The following SPAG16 variants were observed in gnomAD, a reference collection of about 807,000 sequenced individuals.
The protein encoded by SPAG16 is sperm-associated antigen 16 protein.
A neutral mutation model predicts 80.4 loss-of-function variants in SPAG16; 86 were observed. That is an observed-to-expected ratio of 1.07 (90% CI 0.90 to 1.28). SPAG16 has a LOEUF of 1.28. Among genes scored for constraint, SPAG16 ranks in the 50% most tolerant of loss-of-function variants. The pLI, the probability that SPAG16 is intolerant of heterozygous loss-of-function variation, is 0.00. For missense variants in SPAG16, 870 were observed against 765.3 expected (o/e 1.14, Z -1.61); for synonymous variants, 294 against 265.9 (o/e 1.11, Z -1.03).
intron 10 of SPAG16, among the ~76,000 whole-genome samples, chr2:213,606,426 T>C (rs1361131927): frequency 6.6e-6 from 1 of 152,240 alleles, no homozygotes; most frequent in Admixed American, 6.5e-5. Context: ...TTATTAGTCC[T>C]CTCAATTATA....
At chr2:214,311,860 CTT>C (rs372012912) in intron 15 of SPAG16, 16 of 152,304 alleles carry the variant, frequency 1.1e-4, no homozygotes, top group African/African-American at 3.4e-4. Context: ...TAATCTCTCT[CTT>C]TTGTGGCTGA....
chr2:214,085,907 T>A (rs1430941596), intron 13 of SPAG16, among the ~76,000 whole-genome samples: 2 of 152,218 alleles, frequency 1.3e-5, no homozygotes. Flanking sequence ...TTTCCTCCCC[T>A]ACATCTTTGA....
chr2:213,482,701 G>T (rs1030341721), intron 9 of SPAG16, among the ~76,000 whole-genome samples: 3 of 152,102 alleles, frequency 2.0e-5, no homozygotes, highest in Non-Finnish European at 4.4e-5. Flanking sequence ...CTGACACAGA[G>T]TCTGGTAATA....
At chr2:213,484,215 G>C (rs1281415400) in intron 9 of SPAG16, among the ~76,000 whole-genome samples, 1 of 152,014 alleles carries the variant, frequency 6.6e-6, no homozygotes, top group Non-Finnish European at 1.5e-5. Flanking sequence ...AGATACTTGA[G>C]GAGTACTAAA....
At chr2:214,200,994 G>T (rs1392006570) in intron 15 of SPAG16, among the ~76,000 whole-genome samples, 4 of 152,194 alleles carry the variant, frequency 2.6e-5, no homozygotes, top group African/African-American at 9.6e-5. Flanking sequence ...ATTAACAGGT[G>T]ATCCACTGGA....
At chr2:214,033,888 T>C (rs997670347) in intron 13 of SPAG16, among the ~76,000 whole-genome samples, 1 of 152,240 alleles carries the variant, frequency 6.6e-6, no homozygotes, top group African/African-American at 2.4e-5. Flanking sequence ...CTGATACAGC[T>C]ATCTAATCTA....
In SPAG16 at chr2:213,372,068, C is replaced by T. The variant is rs141855907; in HGVS notation, c.833-2942C>T. Among the ~76,000 whole-genome samples the T allele has an allele frequency of 6.2e-3, 937 of 151,984 alleles. 4 individuals are homozygous for T. The highest frequency in any genetic ancestry group is 0.01 in the Middle Eastern group (3 of 292). On this transcript the variant is annotated intron_variant, in intron 8 of 15. Transcript: ENST00000331683. ...TATTTTTATCAAGGGTCATATGTATCGAATATTTACATGACACTATACAGA... is the reference window on the plus strand; with the variant it reads ...TATTTTTATCAAGGGTCATATGTATTGAATATTTACATGACACTATACAGA...
chr2:213,854,997 C>T (rs1374603082), intron 10 of SPAG16, among the ~76,000 whole-genome samples: 1 of 152,202 alleles, frequency 6.6e-6, no homozygotes, highest in Non-Finnish European at 1.5e-5. Context: ...ACATATGGCC[C>T]ATAGCCTAAA....
chr2:214,000,021 C>G (rs1170526201), intron 12 of SPAG16, among the ~76,000 whole-genome samples: 3 of 152,154 alleles, frequency 2.0e-5, no homozygotes, highest in African/African-American at 7.2e-5. Context: ...AGACTTTGGA[C>G]TGTGGACTTT....
intron 11 of SPAG16, among the ~76,000 whole-genome samples, chr2:213,912,080 A>G (rs2077703105): frequency 6.6e-6 from 1 of 152,132 alleles, no homozygotes; most frequent in Non-Finnish European, 1.5e-5. Context: ...CTGATAATTA[A>G]AAGTAATTTT....
intron 15 of SPAG16, among the ~76,000 whole-genome samples, chr2:214,371,210 G>A (rs766514227): frequency 3.9e-5 from 6 of 152,138 alleles, no homozygotes; most frequent in Non-Finnish European, 8.8e-5. Flanking sequence ...TGTTGTCCCT[G>A]TGTAATGACA....
At chr2:213,988,317 G>A (rs529262885) in intron 12 of SPAG16, among the ~76,000 whole-genome samples, 6 of 152,054 alleles carry the variant, frequency 3.9e-5, no homozygotes, top group South Asian at 2.1e-4. Context: ...TTAAGTATAC[G>A]TGGAGCATCA....
intron 12 of SPAG16, among the ~76,000 whole-genome samples, chr2:214,006,119 T>C (rs1226486345): frequency 6.6e-6 from 1 of 151,640 alleles, no homozygotes; most frequent in African/African-American, 2.4e-5. Flanking sequence ...TATTTTTTAA[T>C]CTTTTTTTCA....
chr2:214,141,441 C>G (rs955782358), intron 14 of SPAG16, among the ~76,000 whole-genome samples: 7 of 148,694 alleles, frequency 4.7e-5, no homozygotes, highest in African/African-American at 1.7e-4. Flanking sequence ...CACTCCAGCC[C>G]GGGTGACAGA....
intron 15 of SPAG16, among the ~76,000 whole-genome samples, chr2:214,352,880 C>A (rs1220373915): frequency 1.3e-5 from 2 of 151,994 alleles, no homozygotes; most frequent in African/African-American, 4.8e-5. Flanking sequence ...CAATTATTTT[C>A]TCCTAACATT....
At chr2:213,771,868 G>A (rs1411305108) in intron 10 of SPAG16, among the ~76,000 whole-genome samples, 1 of 152,152 alleles carries the variant, frequency 6.6e-6, no homozygotes, top group East Asian at 1.9e-4. Context: ...AATATAGTTT[G>A]AAGTCAGGTA....
At chr2:213,590,841 C>T (rs573971363) in intron 10 of SPAG16, among the ~76,000 whole-genome samples, 11 of 152,078 alleles carry the variant, frequency 7.2e-5, no homozygotes, top group Non-Finnish European at 1.5e-4. Context: ...CAAAAAGACA[C>T]CTACACTCAT....
chr2:213,315,285 C>T (rs1383624494), intron 4 of SPAG16, among the ~76,000 whole-genome samples: 1 of 151,722 alleles, frequency 6.6e-6, no homozygotes, highest in Admixed American at 6.6e-5. Context: ...TCCATCACTC[C>T]CACCTCCCTC....
At chr2:213,631,525 T>C (rs1406101962) in intron 10 of SPAG16, among the ~76,000 whole-genome samples, 1 of 152,222 alleles carries the variant, frequency 6.6e-6, no homozygotes, top group African/African-American at 2.4e-5. Flanking sequence ...AGTGATTGAA[T>C]CATGGGGGTG....
Sources: allele counts gnomAD v4.1 joint callset (sites outside exome capture counted in the v4.1 genomes callset), GRCh38; gene constraint gnomAD v4.1.1; transcripts MANE v1.5; gene names NCBI Gene and HGNC (gene_info 2026-07-23, HGNC 2026-07-21).